Variants in SUCLG2 observed in about 807,000 individuals in gnomAD.
SUCLG2 encodes succinate--CoA ligase [GDP-forming] subunit beta, mitochondrial.
Under a neutral mutation model 47.9 loss-of-function variants are expected in SUCLG2, and 42 were observed. That is an observed-to-expected ratio of 0.88 (90% confidence interval 0.69 to 1.14). The LOEUF is 1.14. SUCLG2 is among the 50% of genes most tolerant of loss of function. The pLI is 0.00. For missense variants in SUCLG2, 571 were observed against 525.9 expected (o/e 1.09, Z -0.84); for synonymous variants, 195 against 197.3 (o/e 0.99, Z 0.10).
intron 5 of SUCLG2, among the ~76,000 whole-genome samples, chr3:67,519,346 TCTTA>T (rs1706034833): frequency 6.6e-6 from 1 of 152,216 alleles, no homozygotes. Context: ...TAAACAATTA[TCTTA>T]CTTGTTTTTA....
At chr3:67,599,482 C>T (rs1708367463) in intron 2 of SUCLG2, among the ~76,000 whole-genome samples, 1 of 152,088 alleles carries the variant, frequency 6.6e-6, no homozygotes, top group South Asian at 2.1e-4. Context: ...TCAACGGGAT[C>T]CAGGTTTTCT....
chr3:67,483,173 CGA>C (rs1156890718), intron 9 of SUCLG2, among the ~76,000 whole-genome samples: 4 of 151,822 alleles, frequency 2.6e-5, no homozygotes, highest in African/African-American at 9.7e-5. Flanking sequence ...CCTCTAATTG[CGA>C]GAGAGTTGCC....
chr3:67,548,859 A>T (rs1462377233), intron 2 of SUCLG2, among the ~76,000 whole-genome samples: 1 of 152,186 alleles, frequency 6.6e-6, no homozygotes, highest in East Asian at 1.9e-4. Flanking sequence ...GAGGCACCCA[A>T]CAGGTATGAG....
chr3:67,385,421 T>C (rs960290255), intron 10 of SUCLG2, among the ~76,000 whole-genome samples: 3 of 152,192 alleles, frequency 2.0e-5, no homozygotes, highest in African/African-American at 7.2e-5. Context: ...AGAGGGACAG[T>C]CATTAGTGTA....
intron 9 of SUCLG2, among the ~76,000 whole-genome samples, chr3:67,428,621 G>A (rs913227299): frequency 6.6e-6 from 1 of 152,210 alleles, no homozygotes; most frequent in Non-Finnish European, 1.5e-5. Flanking sequence ...AGAGAAGAAA[G>A]CTTCAGACGA....
chr3:67,551,393 A>G (rs1575772229), intron 2 of SUCLG2, among the ~76,000 whole-genome samples: 2 of 152,236 alleles, frequency 1.3e-5, no homozygotes, highest in East Asian at 3.9e-4. Context: ...TTGCTTTTCG[A>G]TAGTCTCCCT....
intron 1 of SUCLG2, among the ~76,000 whole-genome samples, chr3:67,624,188 C>G (rs1700783250): frequency 6.6e-6 from 1 of 152,230 alleles, no homozygotes; most frequent in African/African-American, 2.4e-5. Flanking sequence ...TTTATAGCGG[C>G]AGTTTTGAGT....
In SUCLG2 at chr3:67,653,580, T is replaced by C. The variant is rs761441023; in HGVS notation, c.84+923A>G. 7.6e-4 allele frequency among the ~76,000 whole-genome samples: 115 copies of C among 152,202 alleles called. 3 individuals carry two copies. Among genetic ancestry groups the C allele is most frequent in the Non-Finnish European group, 1.5e-4 (10 of 68,044 alleles). On this transcript the variant is annotated intron_variant, in intron 1 of 10. Transcript: ENST00000307227. ...TGGTTAAAATTGTATGAGTGATAATTTGCCTCTCATCAATTAAAAATGGGG... is the reference window on the plus strand; with the variant it reads ...TGGTTAAAATTGTATGAGTGATAATCTGCCTCTCATCAATTAAAAATGGGG...
At chr3:67,438,895 G>A (rs1479540578) in intron 9 of SUCLG2, among the ~76,000 whole-genome samples, 1 of 152,148 alleles carries the variant, frequency 6.6e-6, no homozygotes, top group Non-Finnish European at 1.5e-5. Flanking sequence ...TATAAGGACT[G>A]CATCATCCTG....
At chr3:67,527,718 G>A (rs1418948147) in intron 4 of SUCLG2, among the ~76,000 whole-genome samples, 1 of 152,104 alleles carries the variant, frequency 6.6e-6, no homozygotes, top group Non-Finnish European at 1.5e-5. Context: ...ATAAGGAATG[G>A]GGCATTTAGA....
At chr3:67,610,884 G>A (rs1441816433) in intron 1 of SUCLG2, among the ~76,000 whole-genome samples, 2 of 152,140 alleles carry the variant, frequency 1.3e-5, no homozygotes, top group East Asian at 3.8e-4. Flanking sequence ...TTGAAATAGG[G>A]TGATTCAAAG....
intron 10 of SUCLG2, among the ~76,000 whole-genome samples, chr3:67,386,095 A>C (rs1702251374): frequency 6.6e-6 from 1 of 152,012 alleles, no homozygotes; most frequent in African/African-American, 2.4e-5. Flanking sequence ...CACTTTATTT[A>C]TTTATTTATT....
At chr3:67,535,089 C>T (rs749782814) in intron 2 of SUCLG2, among the ~76,000 whole-genome samples, 3 of 151,968 alleles carry the variant, frequency 2.0e-5, no homozygotes, top group Non-Finnish European at 4.4e-5. Flanking sequence ...AGATGAAAAG[C>T]ATTTATGAAA....
At chr3:67,470,088 T>C (rs564447464) in intron 9 of SUCLG2, among the ~76,000 whole-genome samples, 3 of 151,980 alleles carry the variant, frequency 2.0e-5, no homozygotes, top group African/African-American at 7.2e-5. Flanking sequence ...ATTAACTTTC[T>C]CAATTCAAAC....
In SUCLG2 at chr3:67,593,934, A is replaced by C. The variant is rs537090269; in HGVS notation, c.226+15521T>G. Among the ~76,000 whole-genome samples, 111 of 152,326 alleles carry C rather than the reference A, an allele frequency of 7.3e-4. 1 individual carries two copies. The highest frequency in any genetic ancestry group is 5.2e-3 in the South Asian group (25 of 4,824). ...CCTGACCCCTTGTCTTTGGATTCCA[A>C]CAATGGGATATTAGCAGATGTGATG... On this transcript the variant is annotated intron_variant, in intron 2 of 10. Transcript: ENST00000307227.
At chr3:67,483,188 C>A (rs1197721952) in intron 9 of SUCLG2, among the ~76,000 whole-genome samples, 3 of 151,740 alleles carry the variant, frequency 2.0e-5, no homozygotes, top group African/African-American at 7.3e-5. Context: ...GAGTTGCCAC[C>A]CAAATTAGGG....
intron 9 of SUCLG2, among the ~76,000 whole-genome samples, chr3:67,491,290 G>C (rs1289984428): frequency 6.7e-6 from 1 of 150,178 alleles, no homozygotes; most frequent in African/African-American, 2.4e-5. Context: ...AAGCAGGGTA[G>C]GAAAATGATG....
At chr3:67,477,229 TA>T (rs370262788) in intron 9 of SUCLG2, among the ~76,000 whole-genome samples, 7 of 152,162 alleles carry the variant, frequency 4.6e-5, no homozygotes, top group African/African-American at 1.7e-4. Flanking sequence ...TGCTCTGGAG[TA>T]AGGTCTGGGT....
rs1702020463 is a variant in SUCLG2, at chr3:67,375,684, T to C, written c.*60A>G. Reference sequence around the variant, plus strand: ...GAGATAACCATTTCTTTCACAATGATGAACCATCCCTTTTTACGGAAAAAT... The same window carrying C: ...GAGATAACCATTTCTTTCACAATGACGAACCATCCCTTTTTACGGAAAAAT... On this transcript the variant is annotated 3_prime_UTR_variant, in exon 11 of 11. Transcript: ENST00000307227. The C allele has an allele frequency of 8.4e-6, 13 of 1,544,646 alleles. No individual in the cohort carries two copies. Among genetic ancestry groups the C allele is most frequent in the Admixed American group, 2.0e-5 (1 of 50,292 alleles).
Sources: gnomAD v4.1 joint callset for allele counts (sites outside exome capture counted in the v4.1 genomes callset) on GRCh38, gnomAD v4.1.1 for gene constraint, MANE v1.5 for transcripts, NCBI Gene and HGNC (gene_info 2026-07-23, HGNC 2026-07-21) for gene names.